CPN1: variants seen among roughly 807,000 people sequenced by gnomAD.
The protein encoded by CPN1 is carboxypeptidase N catalytic chain.
A neutral mutation model predicts 46.4 loss-of-function variants in CPN1; 37 were observed. The ratio of observed to expected loss-of-function variants is 0.80; its 90% confidence interval spans 0.61 to 1.05. The LOEUF (loss-of-function observed/expected upper bound fraction) is 1.05, where lower values mean the gene tolerates loss of function less well. CPN1 is among the 50% of genes least tolerant of loss of function. The probability of loss-of-function intolerance (pLI) is 0.00; values close to 1 mark genes in which losing one functional copy is unlikely to be tolerated. For synonymous variants in CPN1, 224 were observed against 235.4 expected, an observed-to-expected ratio of 0.95 and a Z score of 0.44; for missense variants, 563 against 602.6, an observed-to-expected ratio of 0.93 and a Z score of 0.69.
chr10:100,049,414 C>A (rs1023180131), intron 7 of CPN1, among the ~76,000 whole-genome samples: 1 of 151,984 alleles, frequency 6.6e-6, no homozygotes, highest in African/African-American at 2.4e-5. Flanking sequence ...AGGCGTGCAC[C>A]ACCACACCCA....
intron 8 of CPN1, among the ~76,000 whole-genome samples, chr10:100,046,626 A>G (rs1428167643): frequency 6.6e-6 from 1 of 151,730 alleles, no homozygotes. Flanking sequence ...TGCAAAAATT[A>G]GCTGGGCGTG....
rs771720234 is a variant in CPN1, at chr10:100,069,848, G to A, written c.442C>T (p.Leu148=). The change falls in exon 3 of 9, where the codon CTA becomes TTA. Residue 148 remains leucine (L), a synonymous_variant. Coordinates refer to ENST00000370418, the MANE Select transcript of CPN1 (RefSeq NM_001308.3). The part of the protein sequence containing the change: ...AAQGPNKPGY[L]VGRNNANGVD... ...CCATTTGCATTGTTCCTGCCAACTA[G>A]ATACCCAGGCTTGTTTGGGCCCTAA... 6.8e-6 allele frequency: 11 copies of A among 1,613,768 alleles called. No homozygotes were observed. Among genetic ancestry groups the A allele is most frequent in the Non-Finnish European group, 9.3e-6 (11 of 1,179,994 alleles).
At chr10:100,052,871 C>T (rs2041363910) in intron 7 of CPN1, among the ~76,000 whole-genome samples, 2 of 151,992 alleles carry the variant, frequency 1.3e-5, no homozygotes, top group South Asian at 4.2e-4. Flanking sequence ...TAGAGTGAGA[C>T]CCTGTAATCC....
At chr10:100,068,438 C>T (rs2041466918) in intron 3 of CPN1, among the ~76,000 whole-genome samples, 1 of 152,064 alleles carries the variant, frequency 6.6e-6, no homozygotes, top group South Asian at 2.1e-4. Flanking sequence ...TGGTCTCGAT[C>T]TCCTGACCTC....
intron 1 of CPN1, among the ~76,000 whole-genome samples, chr10:100,078,023 G>C (rs2041524974): frequency 1.3e-5 from 2 of 152,016 alleles, no homozygotes; most frequent in Admixed American, 6.6e-5. Flanking sequence ...AGATTCTTTT[G>C]GCTCTCCTTT....
Position 100,081,512 on chromosome 10 carries a change from C to A in CPN1, c.114G>T (p.Val38=), listed in dbSNP as rs549281938. 5.9e-4 allele frequency: 951 copies of A among 1,614,146 alleles called. 20 individuals are homozygous for A. In the South Asian group the frequency reaches 0.01, roughly 17 times the overall value. ...GCGTGATGCCGGGGCATTCGTTTTGCACCTTGTACAGCGTCCGCACAAGAT... is the reference window on the plus strand; with the variant it reads ...GCGTGATGCCGGGGCATTCGTTTTGAACCTTGTACAGCGTCCGCACAAGAT... ...YDDLVRTLYK[V]QNECPGITRV... Residue 38 remains valine, a synonymous_variant, in exon 1 of 9, where the codon GTG becomes GTT. Transcript: ENST00000370418.
At chr10:100,056,943 A>G in intron 6 of CPN1, 70 bp downstream of exon 6, 2 of 1,604,118 alleles carry the variant, frequency 1.2e-6, no homozygotes, top group South Asian at 2.2e-5. Flanking sequence ...TGAACCAGTG[A>G]AACACCTTGC....
chr10:100,058,730 T>C (rs2041399600), intron 5 of CPN1, among the ~76,000 whole-genome samples: 1 of 151,944 alleles, frequency 6.6e-6, no homozygotes, highest in Non-Finnish European at 1.5e-5. Context: ...AAAATAATCT[T>C]GAAAAAGAAG....
At chr10:100,075,759 T>C in intron 2 of CPN1, 152 bp downstream of exon 2, 5 of 866,780 alleles carry the variant, frequency 5.8e-6, no homozygotes, top group Non-Finnish European at 9.0e-6. Flanking sequence ...TCCTTTCTTA[T>C]ATTTCTGATG....
At chr10:100,058,848 T>C (rs557491011) in intron 5 of CPN1, among the ~76,000 whole-genome samples, 1 of 152,252 alleles carries the variant, frequency 6.6e-6, no homozygotes, top group South Asian at 2.1e-4. Context: ...GACAGGTATA[T>C]AGATCAATGG....
intron 5 of CPN1, among the ~76,000 whole-genome samples, chr10:100,057,657 A>C (rs1034404761): frequency 3.9e-5 from 6 of 151,984 alleles, no homozygotes; most frequent in African/African-American, 9.7e-5. Flanking sequence ...GAAGCGAATA[A>C]ATTTTCGTTC....
intron 2 of CPN1, 77 bp downstream of exon 2, chr10:100,075,834 G>C: frequency 7.2e-7 from 1 of 1,387,156 alleles, no homozygotes; most frequent in Non-Finnish European, 1.0e-6. Flanking sequence ...GTGGGACAGA[G>C]AGGGAATCTT....
At chr10:100,074,041 C>CG (rs386372243) in intron 2 of CPN1, among the ~76,000 whole-genome samples, 4 of 152,128 alleles carry the variant, frequency 2.6e-5, no homozygotes, top group Non-Finnish European at 5.9e-5. Context: ...CCATCCCCCC[C>CG]CCACAATACT....
intron 7 of CPN1, among the ~76,000 whole-genome samples, chr10:100,052,934 G>C (rs2041364105): frequency 6.6e-6 from 1 of 151,970 alleles, no homozygotes; most frequent in Non-Finnish European, 1.5e-5. Flanking sequence ...GACCAGCTTG[G>C]GCAACATAGT....
At position 100,081,538 on chromosome 10, in the gene CPN1, C is replaced by A; in HGVS notation, c.88G>T (p.Asp30Tyr). The A allele has an allele frequency of 3.1e-6, 5 of 1,614,184 alleles. No homozygotes were observed. Among genetic ancestry groups the A allele is most frequent in the Non-Finnish European group, 4.2e-6 (5 of 1,180,036 alleles). The change falls in exon 1 of 9, where the codon GAT becomes TAT. Residue 30 changes from aspartate to tyrosine, a missense_variant. Coordinates refer to ENST00000370418, the MANE Select transcript of CPN1 (RefSeq NM_001308.3). ...ACCTTGTACAGCGTCCGCACAAGAT[C>A]ATCATAGCGGTGGTGGCGAAAGGTC... ...PVTFRHHRYD[D>Y]LVRTLYKVQN...
rs1472226066 is a variant in CPN1, at chr10:100,065,410, G to A, written c.577-40C>T. 7 of 1,611,282 alleles carry A rather than the reference G, an allele frequency of 4.3e-6. No individual in the cohort carries two copies. In the African/African-American group the frequency reaches 9.3e-5, roughly 22 times the overall value. ...GAGGTTGGCGGTGAAGGGCCAACTG[G>A]GGCTACCAAACAAACGGCGGTTAGA... is the stretch of plus-strand genomic sequence containing the variant. On this transcript the variant is annotated intron_variant, in intron 3 of 8. Coordinates refer to ENST00000370418, the MANE Select transcript of CPN1 (RefSeq NM_001308.3).
intron 2 of CPN1, among the ~76,000 whole-genome samples, chr10:100,074,299 G>A (rs1419977855): frequency 6.6e-6 from 1 of 152,222 alleles, no homozygotes. Flanking sequence ...CTGAGAACCT[G>A]ATGGGTCCTC....
At chr10:100,060,069 T>C (rs185667085) in intron 5 of CPN1, among the ~76,000 whole-genome samples, 1 of 152,148 alleles carries the variant, frequency 6.6e-6, no homozygotes, top group African/African-American at 2.4e-5. Context: ...AGTAGAATGG[T>C]GGTTGCCAGG....
intron 4 of CPN1, 42 bp from the exon 5 acceptor site, chr10:100,063,767 A>C: frequency 1.4e-6 from 2 of 1,473,066 alleles, no homozygotes; most frequent in Non-Finnish European, 1.9e-6. Context: ...ATGATTCCCA[A>C]CTCAAATGGC....
Sources: gnomAD v4.1 joint callset for allele counts (sites outside exome capture counted in the v4.1 genomes callset) on GRCh38, gnomAD v4.1.1 for gene constraint, MANE v1.5 for transcripts, NCBI Gene and HGNC (gene_info 2026-07-23, HGNC 2026-07-21) for gene names.